The following ATP10A variants were observed in gnomAD, a reference collection of about 807,000 sequenced individuals.
ATP10A encodes ATPase phospholipid transporting 10A (putative), also known as phospholipid-transporting ATPase VA.
In ATP10A, 111 loss-of-function variants were observed where a neutral mutation model predicts 147.8. The observed-to-expected ratio is 0.75, with a 90% CI of 0.64 to 0.88. The LOEUF is 0.88. Ranked by LOEUF, ATP10A falls within the 40% of genes least tolerant of loss-of-function variation. ATP10A has a pLI of 0.00. For synonymous variants in ATP10A, 875 were observed against 841.6 expected (o/e 1.04, Z -0.69); for missense variants, 1,927 against 1,959.0 (o/e 0.98, Z 0.31).
chr15:25,804,418 T>C (rs1891086027), intron 1 of ATP10A, among the ~76,000 whole-genome samples: 1 of 150,142 alleles, frequency 6.7e-6, no homozygotes, highest in African/African-American at 2.5e-5. Context: ...TGTGTGTGCA[T>C]CTGCGTGTGT....
At chr15:25,777,571 G>A (rs1889675068) in intron 2 of ATP10A, among the ~76,000 whole-genome samples, 2 of 151,904 alleles carry the variant, frequency 1.3e-5, no homozygotes, top group Admixed American at 6.6e-5. Context: ...TCAGAGCCAG[G>A]GGCAGTGGCT....
intron 1 of ATP10A, among the ~76,000 whole-genome samples, chr15:25,790,824 G>C (rs905927725): frequency 5.3e-5 from 8 of 152,052 alleles, no homozygotes. Context: ...CTGCCCACTA[G>C]TAATGGATGT....
At chr15:25,729,053 C>A (rs1359481750) in intron 3 of ATP10A, among the ~76,000 whole-genome samples, 1 of 152,200 alleles carries the variant, frequency 6.6e-6, no homozygotes, top group African/African-American at 2.4e-5. Context: ...AAGACACACA[C>A]AAGAACGTGA....
At chr15:25,825,662 G>A (rs2197403) in intron 1 of ATP10A, among the ~76,000 whole-genome samples, 141,055 of 152,240 alleles carry the variant, frequency 0.93, 65,997 homozygotes, top group Non-Finnish European at 1. Context: ...ACCTTACAGA[G>A]CTGGTTCATA....
chr15:25,829,094 G>A (rs973325760), intron 1 of ATP10A, among the ~76,000 whole-genome samples: 1 of 152,128 alleles, frequency 6.6e-6, no homozygotes, highest in Admixed American at 6.5e-5. Flanking sequence ...GCGGAAAGTC[G>A]ATGCAAATTT....
chr15:25,805,288 C>T (rs1164212185), intron 1 of ATP10A, among the ~76,000 whole-genome samples: 2 of 152,218 alleles, frequency 1.3e-5, no homozygotes, highest in Non-Finnish European at 2.9e-5. Context: ...ACTGGAGCCA[C>T]GCCACCAGCC....
At chr15:25,681,636 G>A (rs761447940) in intron 17 of ATP10A, among the ~76,000 whole-genome samples, 7 of 152,124 alleles carry the variant, frequency 4.6e-5, no homozygotes, top group Non-Finnish European at 1.0e-4. Context: ...TTTTGGAGAC[G>A]CGAGGCCCCA....
intron 2 of ATP10A, among the ~76,000 whole-genome samples, chr15:25,763,161 C>T (rs529734574): frequency 6.6e-6 from 1 of 152,248 alleles, no homozygotes; most frequent in South Asian, 2.1e-4. Flanking sequence ...AAAATAATTG[C>T]TCCTCCACCT....
At chr15:25,786,037 A>C (rs1475955351) in intron 1 of ATP10A, among the ~76,000 whole-genome samples, 1 of 152,278 alleles carries the variant, frequency 6.6e-6, no homozygotes, top group Non-Finnish European at 1.5e-5. Context: ...AGCAGCCCCC[A>C]CTGTGGATGT....
At chr15:25,816,000 T>G (rs983676815) in intron 1 of ATP10A, among the ~76,000 whole-genome samples, 8 of 150,736 alleles carry the variant, frequency 5.3e-5, no homozygotes, top group African/African-American at 1.7e-4. Context: ...ACTTAGATAT[T>G]TTTAAATCAA....
intron 13 of ATP10A, 25 bp downstream of exon 13, chr15:25,701,891 G>T (rs748976753): frequency 4.1e-4 from 638 of 1,566,558 alleles, no homozygotes; most frequent in Non-Finnish European, 5.3e-4. Context: ...GGGGAAGGAA[G>T]CGGAGCCACT....
At chr15:25,731,676 C>T (rs982068953) in intron 3 of ATP10A, among the ~76,000 whole-genome samples, 12 of 152,068 alleles carry the variant, frequency 7.9e-5, no homozygotes, top group Non-Finnish European at 5.9e-5. Context: ...AGGTGGGGAA[C>T]GATGTTACTT....
At chr15:25,810,751 G>A (rs1280297201) in intron 1 of ATP10A, among the ~76,000 whole-genome samples, 1 of 152,020 alleles carries the variant, frequency 6.6e-6, no homozygotes, top group African/African-American at 2.4e-5. Flanking sequence ...AGCCTCCCAC[G>A]GAAAATAGCA....
chr15:25,692,004 C>A (rs573316106), intron 14 of ATP10A, among the ~76,000 whole-genome samples: 5 of 152,098 alleles, frequency 3.3e-5, no homozygotes, highest in African/African-American at 4.8e-5. Flanking sequence ...TTTCGGAAAG[C>A]GGGCTGGAGC....
chr15:25,794,009 GA>G (rs1315866466), intron 1 of ATP10A, among the ~76,000 whole-genome samples: 5 of 152,220 alleles, frequency 3.3e-5, no homozygotes, highest in Non-Finnish European at 7.3e-5. Flanking sequence ...GTATGGGAGG[GA>G]GAGAAGGGTT....
chr15:25,698,441 T>C (rs376079148), intron 13 of ATP10A, among the ~76,000 whole-genome samples: 2 of 152,328 alleles, frequency 1.3e-5, no homozygotes, highest in East Asian at 1.9e-4. Flanking sequence ...CATTTTCTTT[T>C]CTCTAGCTTA....
intron 1 of ATP10A, among the ~76,000 whole-genome samples, chr15:25,859,541 C>T (rs1893662896): frequency 1.3e-5 from 2 of 152,102 alleles, no homozygotes; most frequent in Non-Finnish European, 2.9e-5. Context: ...GGTGGGTGGC[C>T]CTTCCCCCCT....
intron 2 of ATP10A, among the ~76,000 whole-genome samples, chr15:25,769,347 G>T (rs1479989898): frequency 2.0e-5 from 3 of 151,580 alleles, no homozygotes; most frequent in Non-Finnish European, 4.4e-5. Flanking sequence ...ATTAGCCGGG[G>T]GTGGTGGCGG....
intron 1 of ATP10A, among the ~76,000 whole-genome samples, chr15:25,813,005 C>G (rs894540492): frequency 6.6e-6 from 1 of 152,228 alleles, no homozygotes; most frequent in Non-Finnish European, 1.5e-5. Context: ...AGGAGCCAGG[C>G]AGAGCCTGCA....
Sources: allele counts gnomAD v4.1 joint callset (sites outside exome capture counted in the v4.1 genomes callset), GRCh38; gene constraint gnomAD v4.1.1; transcripts MANE v1.5; gene names NCBI Gene and HGNC (gene_info 2026-07-23, HGNC 2026-07-21).